Variants in LRP1B observed in about 807,000 individuals in gnomAD.
The protein encoded by LRP1B is low-density lipoprotein receptor-related protein 1B.
LRP1B carries 217 observed loss-of-function variants against 556.6 expected under a neutral mutation model. That is an observed-to-expected ratio of 0.39 (90% CI 0.35 to 0.44). The LOEUF (loss-of-function observed/expected upper bound fraction) is 0.44. Among genes scored for constraint, LRP1B ranks in the 20% least tolerant of loss-of-function variants. The pLI, the probability that LRP1B is intolerant of heterozygous loss-of-function variation, is 1.00. For missense variants in LRP1B, 5,053 were observed against 5,620.8 expected (o/e 0.90, Z 3.23); for synonymous variants, 2,047 against 1,865.8 (o/e 1.10, Z -2.50).
At chr2:140,270,455 G>A in intron 85 of LRP1B, 109 bp from the exon 86 acceptor site, 1 of 672,014 alleles carries the variant, frequency 1.5e-6, no homozygotes, top group East Asian at 2.7e-5. Context: ...TAGGAGAGAT[G>A]GAGTGGCTGG....
At position 140,492,560 on chromosome 2, in the gene LRP1B, C is replaced by G. The variant is rs774471149; in HGVS notation, c.9120+48G>C. 4 of 1,267,890 alleles carry G rather than the reference C, an allele frequency of 3.2e-6. No individual in the cohort carries two copies. In the East Asian group the frequency reaches 9.3e-5, roughly 29 times the overall value. The allele number at this position is 1,267,890 out of a possible 1,614,324, so 78.5% of individuals were successfully genotyped here. A position where few individuals can be genotyped will look rare whatever the true frequency, so the allele number is the denominator to read the frequency against. ...GGTAGTTCTACAGCTCTAACACATACCTAGTGCACATGTTAAATGTTACGG... is the reference window on the plus strand; with the variant it reads ...GGTAGTTCTACAGCTCTAACACATAGCTAGTGCACATGTTAAATGTTACGG... On this transcript the variant is annotated intron_variant, in intron 57 of 90. Coordinates refer to ENST00000389484, the MANE Select transcript of LRP1B (RefSeq NM_018557.3).
chr2:141,673,473 A>G (rs929774987), intron 2 of LRP1B, among the ~76,000 whole-genome samples: 3 of 151,930 alleles, frequency 2.0e-5, no homozygotes, highest in Non-Finnish European at 1.5e-5. Flanking sequence ...AGCTCCTCCA[A>G]CTCTCAAATC....
chr2:140,416,296 T>C (rs1391072807), intron 66 of LRP1B, among the ~76,000 whole-genome samples: 1 of 152,162 alleles, frequency 6.6e-6, no homozygotes, highest in Non-Finnish European at 1.5e-5. Context: ...CTAGAGCTGA[T>C]GAGTGGCTGA....
intron 7 of LRP1B, among the ~76,000 whole-genome samples, chr2:141,151,786 G>T (rs953960967): frequency 4.6e-5 from 7 of 152,034 alleles, no homozygotes; most frequent in African/African-American, 1.4e-4. Context: ...CAACTAAGTT[G>T]TTTCCATTTC....
At chr2:141,580,842 T>G (rs1240384469) in intron 2 of LRP1B, among the ~76,000 whole-genome samples, 3 of 152,170 alleles carry the variant, frequency 2.0e-5, no homozygotes, top group African/African-American at 7.2e-5. Flanking sequence ...GCTCTCAAGA[T>G]CTCAATGATG....
chr2:140,574,426 A>G (rs1366766770), intron 43 of LRP1B, among the ~76,000 whole-genome samples: 2 of 152,176 alleles, frequency 1.3e-5, no homozygotes, highest in Non-Finnish European at 2.9e-5. Flanking sequence ...AAATGGCATG[A>G]ACATCTGCAC....
intron 2 of LRP1B, among the ~76,000 whole-genome samples, chr2:141,634,860 T>C (rs1689050227): frequency 6.6e-6 from 1 of 152,032 alleles, no homozygotes; most frequent in South Asian, 2.1e-4. Context: ...CAATAAAATT[T>C]CTCATTGACA....
At chr2:140,815,803 G>A (rs918990695) in intron 31 of LRP1B, among the ~76,000 whole-genome samples, 1 of 151,414 alleles carries the variant, frequency 6.6e-6, no homozygotes, top group Non-Finnish European at 1.5e-5. Flanking sequence ...CTAAATCAAT[G>A]CAATACACAA....
intron 1 of LRP1B, among the ~76,000 whole-genome samples, chr2:141,961,683 GAAAGAAATAGGAAAACTGAA>G (rs1315165918): frequency 6.6e-6 from 1 of 151,668 alleles, no homozygotes; most frequent in African/African-American, 2.4e-5. Context: ...CTGCTAAGGA[GAAAGAAATAGGAAAACTGAA>G]AATTTTCCAG....
chr2:140,257,898 C>G (rs566651100), intron 86 of LRP1B, among the ~76,000 whole-genome samples: 1 of 152,258 alleles, frequency 6.6e-6, no homozygotes, highest in South Asian at 2.1e-4. Context: ...TAAGGGACCA[C>G]AAGGTCACTG....
chr2:140,324,955 AGTT>A (rs758376236), intron 80 of LRP1B, among the ~76,000 whole-genome samples: 3 of 151,526 alleles, frequency 2.0e-5, no homozygotes, highest in Admixed American at 6.6e-5. Context: ...AATTTGATTT[AGTT>A]GTTTTTCTTT....
At chr2:142,024,692 T>C (rs1419089166) in intron 1 of LRP1B, among the ~76,000 whole-genome samples, 2 of 151,588 alleles carry the variant, frequency 1.3e-5, no homozygotes, top group Non-Finnish European at 2.9e-5. Context: ...AAAATCTGTG[T>C]GACATAGCCC....
At chr2:141,076,536 A>G (rs1699791483) in intron 7 of LRP1B, among the ~76,000 whole-genome samples, 1 of 152,194 alleles carries the variant, frequency 6.6e-6, no homozygotes, top group Non-Finnish European at 1.5e-5. Context: ...GTATCTAACA[A>G]TATAAAATAT....
chr2:141,910,057 C>A (rs1241678149), intron 1 of LRP1B, among the ~76,000 whole-genome samples: 3 of 146,296 alleles, frequency 2.1e-5, no homozygotes, highest in African/African-American at 7.6e-5. Context: ...TTTGGTAAGA[C>A]TAAATATTTA....
At position 140,239,474 on chromosome 2, in the gene LRP1B, T is replaced by C. The variant is rs1680856386; in HGVS notation, c.13383A>G (p.Val4461=). ...TTCTTTTACAAAGCACTAAACCAATTACTAAGGTGGTTATCAAAGTCACCA... is the reference window on the plus strand; with the variant it reads ...TTCTTTTACAAAGCACTAAACCAATCACTAAGGTGGTTATCAAAGTCACCA... ...VLLVTLITTL[V]IGLVLCKRKR... The change falls in exon 88 of 91, where the codon GTA becomes GTG. Residue 4461 remains valine, a synonymous_variant. Transcript: ENST00000389484. 3 of 1,603,968 alleles carry C rather than the reference T, an allele frequency of 1.9e-6. No individual in the cohort carries two copies. The highest frequency in any genetic ancestry group is 2.6e-6 in the Non-Finnish European group (3 of 1,173,774).
intron 1 of LRP1B, among the ~76,000 whole-genome samples, chr2:141,843,138 CTTTTT>C (rs758910345): frequency 6.6e-6 from 1 of 151,954 alleles, no homozygotes; most frequent in Admixed American, 6.6e-5. Flanking sequence ...TTCTTCTGTT[CTTTTT>C]TGTTTCTCTA....
chr2:140,867,973 A>G (rs960198688), intron 26 of LRP1B, 126 bp downstream of exon 26: 2 of 756,702 alleles, frequency 2.6e-6, no homozygotes, highest in African/African-American at 3.8e-5. Flanking sequence ...TGGGGCAAGC[A>G]AAAAAAAAAT....
intron 3 of LRP1B, among the ~76,000 whole-genome samples, chr2:141,393,142 T>A (rs1412986334): frequency 6.6e-6 from 1 of 152,038 alleles, no homozygotes; most frequent in Non-Finnish European, 1.5e-5. Context: ...GTCAGTAAGA[T>A]CCTTAAAACA....
At chr2:140,918,849 T>G (rs1004081233) in intron 21 of LRP1B, among the ~76,000 whole-genome samples, 2 of 152,016 alleles carry the variant, frequency 1.3e-5, no homozygotes, top group African/African-American at 4.8e-5. Context: ...CTTGGACTTC[T>G]CAGTCTCTAG....
Sources: gnomAD v4.1 joint callset for allele counts (sites outside exome capture counted in the v4.1 genomes callset) on GRCh38, gnomAD v4.1.1 for gene constraint, MANE v1.5 for transcripts, NCBI Gene and HGNC (gene_info 2026-07-23, HGNC 2026-07-21) for gene names.